Variants in C1GALT1 observed in about 807,000 individuals in gnomAD.
C1GALT1 encodes glycoprotein-N-acetylgalactosamine 3-beta-galactosyltransferase 1.
A neutral mutation model predicts 31.0 loss-of-function variants in C1GALT1; 11 were observed. The ratio of observed to expected loss-of-function variants is 0.36; its 90% CI spans 0.22 to 0.59. C1GALT1 has a LOEUF of 0.59. C1GALT1 is among the 20% of genes least tolerant of loss of function. The pLI, the probability that C1GALT1 is intolerant of heterozygous loss-of-function variation, is 0.79. For synonymous variants in C1GALT1, 175 were observed against 143.6 expected (o/e 1.22, Z -1.56); for missense variants, 424 against 425.2 (o/e 1.00, Z 0.03).
chr7:7,225,124 T>C (rs367991990), intron 1 of C1GALT1, among the ~76,000 whole-genome samples: 3 of 152,188 alleles, frequency 2.0e-5, no homozygotes, highest in Non-Finnish European at 4.4e-5. Context: ...TTCTGCTCTT[T>C]ATTATTTTAT....
chr7:7,218,824 A>C (rs1782371892), intron 1 of C1GALT1, among the ~76,000 whole-genome samples: 1 of 150,610 alleles, frequency 6.6e-6, no homozygotes, highest in East Asian at 1.9e-4. Context: ...ATACATCTCA[A>C]ACCGTGTTTC....
intron 1 of C1GALT1, among the ~76,000 whole-genome samples, chr7:7,210,045 C>G (rs1781919363): frequency 6.6e-6 from 1 of 152,064 alleles, no homozygotes; most frequent in Non-Finnish European, 1.5e-5. Context: ...GAGGAACAGG[C>G]CATTTTCACT....
At chr7:7,170,418 A>T (rs891587592) in intron 2 of C1GALT1, among the ~76,000 whole-genome samples, 1 of 152,164 alleles carries the variant, frequency 6.6e-6, no homozygotes, top group Non-Finnish European at 1.5e-5. Context: ...TATAGTTATA[A>T]GTTTGCCTCT....
chr7:7,199,109 G>C (rs1490100082), intron 1 of C1GALT1, among the ~76,000 whole-genome samples: 1 of 152,024 alleles, frequency 6.6e-6, no homozygotes, highest in Non-Finnish European at 1.5e-5. Context: ...TGCTTCTCTG[G>C]ATCTTTTAAT....
chr7:7,184,454 G>A (rs1015625301), intron 1 of C1GALT1, among the ~76,000 whole-genome samples: 5 of 152,268 alleles, frequency 3.3e-5, no homozygotes, highest in Admixed American at 1.3e-4. Context: ...ACTACGTTGA[G>A]TAAATTCAAT....
intron 1 of C1GALT1, among the ~76,000 whole-genome samples, chr7:7,185,799 A>G (rs1277650559): frequency 6.6e-6 from 1 of 152,238 alleles, no homozygotes; most frequent in Non-Finnish European, 1.5e-5. Context: ...TTGTGGGGAC[A>G]CAGTTTAACC....
At chr7:7,221,823 G>C (rs1782522073) in intron 1 of C1GALT1, among the ~76,000 whole-genome samples, 1 of 152,152 alleles carries the variant, frequency 6.6e-6, no homozygotes. Context: ...AGCTCCTAAG[G>C]CTTGTTGCAA....
At chr7:7,232,159 G>C (rs1248852215) in intron 1 of C1GALT1, among the ~76,000 whole-genome samples, 1 of 152,098 alleles carries the variant, frequency 6.6e-6, no homozygotes, top group African/African-American at 2.4e-5. Context: ...TCCAGATTTT[G>C]GCCCTACTAA....
intron 1 of C1GALT1, among the ~76,000 whole-genome samples, chr7:7,214,142 A>AC (rs1241433340): frequency 2.0e-5 from 3 of 152,120 alleles, no homozygotes; most frequent in Admixed American, 6.5e-5. Context: ...GTAATTTGAT[A>AC]CCCCCCAAAC....
chr7:7,173,763 C>A (rs142729455), intron 2 of C1GALT1, among the ~76,000 whole-genome samples: 248 of 152,146 alleles, frequency 1.6e-3, no homozygotes, highest in African/African-American at 5.7e-3. Flanking sequence ...ATTAGCTGGG[C>A]ATGGTGGTGC....
chr7:7,233,634 C>G (rs989847022), intron 1 of C1GALT1, among the ~76,000 whole-genome samples: 13 of 152,178 alleles, frequency 8.5e-5, no homozygotes, highest in African/African-American at 2.9e-4. Flanking sequence ...TCTATTGTAG[C>G]TATTCACTCT....
intron 1 of C1GALT1, among the ~76,000 whole-genome samples, chr7:7,198,655 A>G (rs1197322687): frequency 1.3e-5 from 2 of 152,136 alleles, no homozygotes; most frequent in East Asian, 1.9e-4. Flanking sequence ...CTGTGAATCC[A>G]TCTGGTCCTG....
chr7:7,230,758 C>G (rs1027625884), intron 1 of C1GALT1, among the ~76,000 whole-genome samples: 2 of 149,332 alleles, frequency 1.3e-5, no homozygotes, highest in African/African-American at 4.9e-5. Flanking sequence ...CTTTTAAAGG[C>G]TATTATTAAT....
chr7:7,171,004 T>G (rs571400334), intron 2 of C1GALT1, among the ~76,000 whole-genome samples: 2 of 152,298 alleles, frequency 1.3e-5, no homozygotes, highest in South Asian at 4.1e-4. Flanking sequence ...TTTTTAAAAT[T>G]TATTCACTTG....
chr7:7,214,954 GAT>G (rs1040212890), intron 1 of C1GALT1, among the ~76,000 whole-genome samples: 8 of 152,170 alleles, frequency 5.3e-5, no homozygotes, highest in Middle Eastern at 3.2e-3. Flanking sequence ...TCAGGCTTAA[GAT>G]ATTTTGTAAA....
intron 1 of C1GALT1, among the ~76,000 whole-genome samples, chr7:7,228,437 A>G (rs118015308): frequency 0.01 from 1,539 of 152,252 alleles, 12 homozygotes; most frequent in Non-Finnish European, 0.016. Flanking sequence ...CCCCCACCCA[A>G]TTCAAAGAAA....
chr7:7,216,440 T>G (rs896603106), intron 1 of C1GALT1, among the ~76,000 whole-genome samples: 2 of 152,100 alleles, frequency 1.3e-5, no homozygotes, highest in Admixed American at 6.6e-5. Context: ...CTTATCCGCC[T>G]TGTGTGATTT....
intron 1 of C1GALT1, among the ~76,000 whole-genome samples, chr7:7,184,688 G>C (rs1467400218): frequency 6.6e-6 from 1 of 152,216 alleles, no homozygotes; most frequent in East Asian, 1.9e-4. Context: ...TTTTGTGACA[G>C]TGCAGCTATA....
At chr7:7,161,790 C>T (rs142272746) in intron 2 of C1GALT1, among the ~76,000 whole-genome samples, 4 of 152,214 alleles carry the variant, frequency 2.6e-5, no homozygotes, top group African/African-American at 7.2e-5. Context: ...AACATGAATA[C>T]TTTCCATATT....
Sources: allele counts gnomAD v4.1 joint callset (sites outside exome capture counted in the v4.1 genomes callset), GRCh38; gene constraint gnomAD v4.1.1; transcripts MANE v1.5; gene names NCBI Gene and HGNC (gene_info 2026-07-23, HGNC 2026-07-21).